Variants in SPIRE1 observed in about 807,000 individuals in gnomAD.
The protein encoded by SPIRE1 is protein spire homolog 1.
Under a neutral mutation model 94.1 loss-of-function variants are expected in SPIRE1, and 40 were observed. That is an observed-to-expected ratio of 0.43 (90% CI 0.33 to 0.55). SPIRE1 has a LOEUF of 0.55. SPIRE1 is among the 20% of genes least tolerant of loss of function. SPIRE1 has a pLI of 0.06. For missense variants in SPIRE1, 838 were observed against 975.2 expected (o/e 0.86, Z 1.87); for synonymous variants, 376 against 371.7 (o/e 1.01, Z -0.13).
At chr18:12,570,916 G>C (rs113589027) in intron 2 of SPIRE1, among the ~76,000 whole-genome samples, 161 of 152,130 alleles carry the variant, frequency 1.1e-3, no homozygotes, top group African/African-American at 3.7e-3. Context: ...TCAACCCTTT[G>C]GGTTTACAGT....
At chr18:12,631,564 A>AAAAAC in intron 2 of SPIRE1, among the ~76,000 whole-genome samples, 1 of 149,796 alleles carries the variant, frequency 6.7e-6, no homozygotes, top group Non-Finnish European at 1.5e-5. Context: ...AAAAAAAAAA[A>AAAAAC]AAAAAAAAAA....
chr18:12,615,317 A>G (rs1247666789), intron 2 of SPIRE1, among the ~76,000 whole-genome samples: 5 of 93,774 alleles, frequency 5.3e-5, no homozygotes, highest in African/African-American at 2.1e-4. Flanking sequence ...ACAAGAGTGA[A>G]ACTCTGTCTC....
At chr18:12,649,711 T>C (rs1240862891) in intron 1 of SPIRE1, among the ~76,000 whole-genome samples, 1 of 152,214 alleles carries the variant, frequency 6.6e-6, no homozygotes, top group African/African-American at 2.4e-5. Context: ...ATTTTTTTCT[T>C]CTAAAGTTTA....
chr18:12,503,618 C>T (rs1203188962), intron 6 of SPIRE1, among the ~76,000 whole-genome samples: 7 of 152,014 alleles, frequency 4.6e-5, no homozygotes, highest in Non-Finnish European at 1.0e-4. Context: ...TTTTTTTCCC[C>T]CTACTTAGCT....
At chr18:12,508,871 C>T (rs901855281) in intron 5 of SPIRE1, among the ~76,000 whole-genome samples, 6 of 152,092 alleles carry the variant, frequency 3.9e-5, no homozygotes, top group African/African-American at 1.4e-4. Context: ...ACACAGGTTT[C>T]GTCATGTTGG....
intron 4 of SPIRE1, among the ~76,000 whole-genome samples, chr18:12,525,285 A>G (rs1277222651): frequency 6.8e-6 from 1 of 146,300 alleles, no homozygotes; most frequent in Non-Finnish European, 1.5e-5. Context: ...TCAAAAAAAA[A>G]AAAAAAAAAA....
At chr18:12,499,774 A>T (rs2143926560) in intron 6 of SPIRE1, among the ~76,000 whole-genome samples, 1 of 152,320 alleles carries the variant, frequency 6.6e-6, no homozygotes, top group East Asian at 1.9e-4. Flanking sequence ...CCTTTTGTGC[A>T]TCAAAGGACA....
chr18:12,651,916 T>C (rs1223287300), intron 1 of SPIRE1, among the ~76,000 whole-genome samples: 2 of 152,206 alleles, frequency 1.3e-5, no homozygotes, highest in Non-Finnish European at 1.5e-5. Context: ...CAGGCATTCA[T>C]TGTTCCTTTC....
At chr18:12,454,590 C>T (rs577307690) in intron 12 of SPIRE1, 107 bp from the exon 13 acceptor site, 1 of 1,051,870 alleles carries the variant, frequency 9.5e-7, no homozygotes, top group East Asian at 2.4e-5. Flanking sequence ...GAGAAGAGAA[C>T]AGGTTTCCCA....
chr18:12,503,530 T>A (rs2143957498), intron 6 of SPIRE1, among the ~76,000 whole-genome samples: 1 of 152,300 alleles, frequency 6.6e-6, no homozygotes, highest in South Asian at 2.1e-4. Context: ...TTCTGTTCTA[T>A]CCTCTAATGA....
chr18:12,609,662 AGCATCC>A (rs1397066915), intron 2 of SPIRE1, among the ~76,000 whole-genome samples: 2 of 152,172 alleles, frequency 1.3e-5, no homozygotes, highest in African/African-American at 4.8e-5. Context: ...CTTACTCTCC[AGCATCC>A]AAAGCCTCAC....
rs1799717541 is a variant in SPIRE1, at chr18:12,528,602, C to A, written c.729+6874G>T. ...AATGAAGAGCCTGGAGAGGTCAGAACTGGGTCAGATTGTGAACAGCTGCCC... is the reference window on the plus strand; with the variant it reads ...AATGAAGAGCCTGGAGAGGTCAGAAATGGGTCAGATTGTGAACAGCTGCCC... On this transcript the variant is annotated intron_variant, in intron 4 of 16. Transcript: ENST00000409402. Among the ~76,000 whole-genome samples the A allele has an allele frequency of 2.0e-5, 3 of 152,174 alleles. No homozygotes were observed. The South Asian group carries it at 6.2e-4, about 32-fold the overall frequency.
intron 7 of SPIRE1, 66 bp downstream of exon 7, chr18:12,495,950 G>A: frequency 8.1e-7 from 1 of 1,233,814 alleles, no homozygotes; most frequent in Admixed American, 1.7e-5. Context: ...TTCTAGAGAT[G>A]ACACCCTAGA....
chr18:12,497,538 T>C (rs1214360414), intron 6 of SPIRE1, among the ~76,000 whole-genome samples: 2 of 152,064 alleles, frequency 1.3e-5, no homozygotes, highest in African/African-American at 4.8e-5. Flanking sequence ...ACATCCACTC[T>C]CCTCTTCCTC....
chr18:12,622,461 C>T (rs1425166617), intron 2 of SPIRE1, among the ~76,000 whole-genome samples: 2 of 126,060 alleles, frequency 1.6e-5, no homozygotes, highest in East Asian at 2.6e-4. Context: ...CTTGCTCTGT[C>T]GCCCAGGCTG....
intron 2 of SPIRE1, among the ~76,000 whole-genome samples, chr18:12,609,228 G>T (rs1333379545): frequency 6.6e-6 from 1 of 152,172 alleles, no homozygotes; most frequent in African/African-American, 2.4e-5. Context: ...GCAGACCCCT[G>T]CTCTAAAGCA....
upstream of SPIRE1, among the ~76,000 whole-genome samples, chr18:12,661,644 G>A (rs1246876776): frequency 1.3e-5 from 2 of 150,214 alleles, no homozygotes; most frequent in African/African-American, 2.5e-5. Context: ...GCATGGTGAT[G>A]CATGCCTGTA....
intron 4 of SPIRE1, among the ~76,000 whole-genome samples, chr18:12,524,625 C>T (rs906823369): frequency 2.0e-5 from 3 of 151,864 alleles, no homozygotes; most frequent in South Asian, 2.1e-4. Context: ...AGTAAAATGC[C>T]GGGATTATAA....
chr18:12,614,736 T>A (rs538687116), intron 2 of SPIRE1, among the ~76,000 whole-genome samples: 1 of 152,142 alleles, frequency 6.6e-6, no homozygotes, highest in East Asian at 1.9e-4. Context: ...GAGAATCACT[T>A]GAACCCGGGA....
Sources: allele counts gnomAD v4.1 joint callset (sites outside exome capture counted in the v4.1 genomes callset), GRCh38; gene constraint gnomAD v4.1.1; transcripts MANE v1.5; gene names NCBI Gene and HGNC (gene_info 2026-07-23, HGNC 2026-07-21).